PPP6R3: variants seen among roughly 807,000 people sequenced by gnomAD.
The protein encoded by PPP6R3 is protein phosphatase 6 regulatory subunit 3.
Under a neutral mutation model 110.7 loss-of-function variants are expected in PPP6R3, and 38 were observed. The ratio of observed to expected loss-of-function variants is 0.34; its 90% CI spans 0.26 to 0.45. The LOEUF is 0.45. Ranked by LOEUF, PPP6R3 falls within the 20% of genes least tolerant of loss-of-function variation. The probability of loss-of-function intolerance (pLI) is 1.00; values close to 1 mark genes in which losing one functional copy is unlikely to be tolerated. For missense variants in PPP6R3, 870 were observed against 1,062.4 expected, an observed-to-expected ratio of 0.82 and a Z score of 2.52; for synonymous variants, 369 against 373.5, an observed-to-expected ratio of 0.99 and a Z score of 0.14.
chr11:68,525,936 A>T (rs560380362), intron 2 of PPP6R3, among the ~76,000 whole-genome samples: 2 of 152,360 alleles, frequency 1.3e-5, no homozygotes, highest in East Asian at 3.9e-4. Flanking sequence ...GGATTTTCCA[A>T]GCTTTGCCTT....
chr11:68,566,030 A>G (rs751512482), intron 9 of PPP6R3, among the ~76,000 whole-genome samples: 4 of 152,158 alleles, frequency 2.6e-5, no homozygotes, highest in Non-Finnish European at 5.9e-5. Context: ...TCAGACTTCT[A>G]AAGTTAGGAA....
Position 68,613,954 on chromosome 11 carries a change from A to G in PPP6R3, c.*837A>G, listed in dbSNP as rs188596705. ...TGTTTGTTTTTTTGTTTCATTTGGT[A>G]GTTCATCTGCCTTTTAACCCATTCA... On this transcript the variant is annotated 3_prime_UTR_variant, in exon 24 of 24. Transcript: ENST00000393800. 30 of 948,948 alleles carry G rather than the reference A, an allele frequency of 3.2e-5. No homozygotes were observed. In the East Asian group the frequency reaches 2.2e-3, roughly 70 times the overall value. 58.8% of individuals were successfully genotyped at this position (948,948 alleles called of 1,614,324 possible).
At chr11:68,579,966 T>C (rs1225626775) in intron 14 of PPP6R3, among the ~76,000 whole-genome samples, 1 of 152,224 alleles carries the variant, frequency 6.6e-6, no homozygotes, top group Non-Finnish European at 1.5e-5. Context: ...ATCCTTGTCA[T>C]GAAACAATGC....
chr11:68,495,005 C>T (rs192085505), intron 1 of PPP6R3, among the ~76,000 whole-genome samples: 3 of 152,154 alleles, frequency 2.0e-5, no homozygotes, highest in Non-Finnish European at 4.4e-5. Flanking sequence ...TAAGAACTGC[C>T]TGGCACATAT....
chr11:68,602,269 T>C lies in PPP6R3; in HGVS notation c.2299+300T>C, dbSNP rs539165601. Among the ~76,000 whole-genome samples, 25 of 152,338 alleles carry C rather than the reference T, an allele frequency of 1.6e-4. No homozygotes were observed. The South Asian group carries it at 4.8e-3, about 29-fold the overall frequency. ...GTGAATAAAACTGGAATTAGACGTG[T>C]GCAGCCAAGCCTGTGTGTAGTTGTC... is the stretch of plus-strand genomic sequence containing the variant. On this transcript the variant is annotated intron_variant, in intron 21 of 23. Coordinates refer to ENST00000393800, the MANE Select transcript of PPP6R3 (RefSeq NM_001164161.2).
chr11:68,544,771 T>G, intron 3 of PPP6R3, 67 bp from the exon 4 acceptor site: 3 of 1,100,596 alleles, frequency 2.7e-6, no homozygotes, highest in Non-Finnish European at 3.8e-6. Flanking sequence ...GCCTTTCTGA[T>G]TTGTGTTTAT....
chr11:68,609,328 CGT>C (rs1942099501), intron 22 of PPP6R3: 1 of 607,450 alleles, frequency 1.6e-6, no homozygotes, highest in Non-Finnish European at 3.0e-6. Context: ...CTCGAGGAGC[CGT>C]GAAATCCGAT....
Position 68,501,737 on chromosome 11 carries a change from A to G in PPP6R3, c.-157-17764A>G, listed in dbSNP as rs7945940. Among the ~76,000 whole-genome samples the G allele has an allele frequency of 4.2e-3, 638 of 152,280 alleles. 2 individuals carry two copies. The highest frequency in any genetic ancestry group is 0.015 in the African/African-American group (611 of 41,546). ...TCATTCAACTTCAAGTAATAATTAA[A>G]TTTTTCATGTTTTGTTTATAAGTGA... On this transcript the variant is annotated intron_variant, in intron 1 of 23. Transcript: ENST00000393800.
At chr11:68,508,969 T>TCATTTCCTTC (rs1274637878) in intron 1 of PPP6R3, among the ~76,000 whole-genome samples, 1 of 152,254 alleles carries the variant, frequency 6.6e-6, no homozygotes, top group African/African-American at 2.4e-5. Flanking sequence ...GGCTTTGGAT[T>TCATTTCCTTC]CATTTCCTCT....
chr11:68,507,246 ATTTTTT>A (rs58191278), intron 1 of PPP6R3, among the ~76,000 whole-genome samples: 2 of 114,982 alleles, frequency 1.7e-5, no homozygotes, highest in Non-Finnish European at 3.9e-5. Flanking sequence ...GTCTTTTTGC[ATTTTTT>A]TTTTTTTTTT....
intron 11 of PPP6R3, among the ~76,000 whole-genome samples, 191 bp from the exon 12 acceptor site, chr11:68,570,849 G>A (rs1378280045): frequency 6.6e-6 from 1 of 151,888 alleles, no homozygotes; most frequent in African/African-American, 2.4e-5. Context: ...TGGAGGGTGT[G>A]GATCCTGATT....
rs540229920 is a variant in PPP6R3, at chr11:68,478,011, G to A, written c.-158+17184G>A. On this transcript the variant is annotated intron_variant, in intron 1 of 23. Transcript: ENST00000393800. ...TTTGCCCAGGCTGGAGTGCAGTGGCGTGATCTTGGCTCACTGCAACCTCTG... is the reference window on the plus strand; with the variant it reads ...TTTGCCCAGGCTGGAGTGCAGTGGCATGATCTTGGCTCACTGCAACCTCTG... Among the ~76,000 whole-genome samples the A allele has an allele frequency of 4.0e-5, 6 of 149,990 alleles. 1 individual carries two copies. In the East Asian group the frequency reaches 9.9e-4, roughly 25 times the overall value.
At position 68,600,514 on chromosome 11, in the gene PPP6R3, C is replaced by T; in HGVS notation, c.2192+20C>T. ...CCTGAGGTGAGCGAACATGTGCTGT[C>T]TCTACACCCTTCCACGGGGGACCTG... On this transcript the variant is annotated intron_variant, in intron 20 of 23. Transcript: ENST00000393800. The T allele has an allele frequency of 6.3e-7, 1 of 1,596,654 alleles. No individual in the cohort carries two copies.
At chr11:68,487,292 C>T (rs1591849515) in intron 1 of PPP6R3, among the ~76,000 whole-genome samples, 1 of 152,104 alleles carries the variant, frequency 6.6e-6, no homozygotes, top group Non-Finnish European at 1.5e-5. Context: ...ATGGCTCATA[C>T]CTGTAATCCC....
At chr11:68,501,309 C>T (rs1365647070) in intron 1 of PPP6R3, among the ~76,000 whole-genome samples, 1 of 152,178 alleles carries the variant, frequency 6.6e-6, no homozygotes, top group African/African-American at 2.4e-5. Context: ...ATTAACCCTG[C>T]ACATTGAAGA....
At chr11:68,606,424 G>A (rs1594085723) in intron 22 of PPP6R3, among the ~76,000 whole-genome samples, 1 of 150,648 alleles carries the variant, frequency 6.6e-6, no homozygotes, top group African/African-American at 2.4e-5. Flanking sequence ...AACCTCCCAA[G>A]TAACTGGGAC....
At chr11:68,594,268 GAGA>G (rs2099604769) in intron 18 of PPP6R3, among the ~76,000 whole-genome samples, 2 of 52,990 alleles carry the variant, frequency 3.8e-5, no homozygotes, top group Admixed American at 3.4e-4. Flanking sequence ...AAAAGGGGGA[GAGA>G]GAGAGAGAGA....
chr11:68,484,612 A>C (rs1042296611), intron 1 of PPP6R3, among the ~76,000 whole-genome samples: 1 of 151,560 alleles, frequency 6.6e-6, no homozygotes, highest in Non-Finnish European at 1.5e-5. Context: ...TTTGAGACGG[A>C]GTTTCGCTCT....
chr11:68,589,718 C>G (rs540473934), intron 16 of PPP6R3, among the ~76,000 whole-genome samples: 1 of 152,196 alleles, frequency 6.6e-6, no homozygotes, highest in Admixed American at 6.5e-5. Flanking sequence ...TGAACCACAG[C>G]CAGTGGAGCC....
Sources: allele counts gnomAD v4.1 joint callset (sites outside exome capture counted in the v4.1 genomes callset), GRCh38; gene constraint gnomAD v4.1.1; transcripts MANE v1.5; gene names NCBI Gene and HGNC (gene_info 2026-07-23, HGNC 2026-07-21).